The following POT1 variants were observed in gnomAD, a reference collection of about 807,000 sequenced individuals.
POT1 encodes protection of telomeres 1.
A neutral mutation model predicts 78.5 loss-of-function variants in POT1; 47 were observed. The observed-to-expected ratio is 0.60, with a 90% CI of 0.47 to 0.76. The LOEUF is 0.76. POT1 is among the 30% of genes least tolerant of loss of function. The pLI, the probability that POT1 is intolerant of heterozygous loss-of-function variation, is 0.00. For synonymous variants in POT1, 259 were observed against 260.7 expected, an observed-to-expected ratio of 0.99 and a Z score of 0.06; for missense variants, 646 against 749.9, an observed-to-expected ratio of 0.86 and a Z score of 1.62.
rs369100885 is a variant in POT1 at position 124,872,653 on chromosome 7, A to G, written c.125-1612T>C. Among the ~76,000 whole-genome samples the G allele has an allele frequency of 2.9e-4, 44 of 152,336 alleles. No individual in the cohort carries two copies. The South Asian group carries it at 9.1e-3, about 32-fold the overall frequency. ...GTATATTTAGGAGAAAACAGTATATACAGGGTTCAGTACCATCCACGGTTT... is the reference window on the plus strand; with the variant it reads ...GTATATTTAGGAGAAAACAGTATATGCAGGGTTCAGTACCATCCACGGTTT... On this transcript the variant is annotated intron_variant, in intron 6 of 18. Coordinates refer to ENST00000357628, the MANE Select transcript of POT1 (RefSeq NM_015450.3).
At chr7:124,918,603 C>T (rs974040571) in intron 2 of POT1, among the ~76,000 whole-genome samples, 4 of 152,002 alleles carry the variant, frequency 2.6e-5, no homozygotes, top group African/African-American at 9.7e-5. Flanking sequence ...TTGTCCCTGC[C>T]CTTGTTGAAG....
At chr7:124,866,870 C>T (rs574026570) in intron 7 of POT1, among the ~76,000 whole-genome samples, 1 of 152,320 alleles carries the variant, frequency 6.6e-6, no homozygotes, top group East Asian at 1.9e-4. Context: ...CAGAAGTTCG[C>T]TCTGCAGATT....
chr7:124,923,497 A>G (rs1005840052), intron 2 of POT1, among the ~76,000 whole-genome samples: 1 of 151,908 alleles, frequency 6.6e-6, no homozygotes, highest in African/African-American at 2.4e-5. Flanking sequence ...AAGCATAAAA[A>G]GGAATGAGCA....
chr7:124,900,232 T>A (rs1364046588), intron 3 of POT1, among the ~76,000 whole-genome samples: 1 of 152,174 alleles, frequency 6.6e-6, no homozygotes, highest in Admixed American at 6.5e-5. Flanking sequence ...TTGGATCCTC[T>A]CATAAGTATA....
chr7:124,870,809 A>G (rs1795848791), intron 7 of POT1, 102 bp downstream of exon 7: 6 of 957,620 alleles, frequency 6.3e-6, no homozygotes, highest in African/African-American at 1.7e-5. Context: ...GCTTGCTGTC[A>G]TGTTCTAACA....
intron 2 of POT1, among the ~76,000 whole-genome samples, chr7:124,916,282 A>G (rs1797013006): frequency 6.6e-6 from 1 of 152,216 alleles, no homozygotes; most frequent in South Asian, 2.1e-4. Flanking sequence ...CTTATAAAAT[A>G]GGACTCAATT....
At chr7:124,891,837 A>C (rs763174130) in intron 6 of POT1, among the ~76,000 whole-genome samples, 7 of 151,642 alleles carry the variant, frequency 4.6e-5, no homozygotes, top group Non-Finnish European at 1.0e-4. Context: ...CTGACGTCAT[A>C]ATTTGCATCT....
intron 16 of POT1, 141 bp downstream of exon 16, chr7:124,829,113 C>A: frequency 2.6e-6 from 2 of 774,724 alleles, no homozygotes; most frequent in East Asian, 2.5e-5. Flanking sequence ...TTTAAATTTA[C>A]AAAGTCTGTT....
chr7:124,851,601 A>G (rs922281340), intron 11 of POT1, among the ~76,000 whole-genome samples: 5 of 152,226 alleles, frequency 3.3e-5, no homozygotes, highest in African/African-American at 1.2e-4. Flanking sequence ...CTATGAAATC[A>G]ATACAGATTT....
intron 2 of POT1, among the ~76,000 whole-genome samples, chr7:124,916,491 T>G (rs1797017776): frequency 6.6e-6 from 1 of 152,076 alleles, no homozygotes; most frequent in African/African-American, 2.4e-5. Flanking sequence ...GGCAACCAAC[T>G]AAGCAGAAAT....
At chr7:124,867,438 A>G (rs1210552107) in intron 7 of POT1, among the ~76,000 whole-genome samples, 2 of 151,922 alleles carry the variant, frequency 1.3e-5, no homozygotes, top group Admixed American at 1.3e-4. Context: ...CACCTCCCCC[A>G]TGGCTGCCCA....
intron 3 of POT1, among the ~76,000 whole-genome samples, chr7:124,904,614 C>A (rs1156498436): frequency 2.6e-5 from 4 of 151,650 alleles, no homozygotes; most frequent in African/African-American, 9.7e-5. Context: ...CTCACCACTC[C>A]CAGTCAACAT....
intron 14 of POT1, chr7:124,837,169 A>G: frequency 3.6e-6 from 1 of 278,836 alleles, no homozygotes; most frequent in South Asian, 3.4e-5. Flanking sequence ...TCTTGGTCTC[A>G]GTTTCCTCTT....
At chr7:124,892,586 G>T in intron 5 of POT1, 1 of 346,736 alleles carries the variant, frequency 2.9e-6, no homozygotes. Flanking sequence ...GGTACAATTT[G>T]CACACTAGCT....
At chr7:124,880,396 C>T (rs1373673275) in intron 6 of POT1, among the ~76,000 whole-genome samples, 1 of 152,018 alleles carries the variant, frequency 6.6e-6, no homozygotes, top group African/African-American at 2.4e-5. Flanking sequence ...GTGAATTTAA[C>T]TAGGCATAAA....
At position 124,824,006 on chromosome 7, in the gene POT1, AAAT is replaced by A. The variant is rs1193436506; in HGVS notation, c.1858_1860del (p.Ile620del). 1.2e-6 allele frequency: 2 copies of A among 1,607,840 alleles called. No individual in the cohort carries two copies. Among genetic ancestry groups the A allele is most frequent in the Non-Finnish European group, 1.7e-6 (2 of 1,175,220 alleles). On this transcript the variant is annotated inframe_deletion, in exon 19 of 19. Transcript: ENST00000357628. The stretch of plus-strand genomic sequence containing the variant: ...ACTGTGGTGTCAAAAATCTGATAGC[AAAT>A]TTGATTATCTGTTCCATTTGTGACA...
rs764366150 is a variant in POT1 at position 124,859,097 on chromosome 7, T to C, written c.562A>G (p.Arg188Gly). ...SFLLKVWDGT[R>G]TPFPSWRVLI... ...ACTCTCCAAGATGGAAATGGTGTCC[T>C]GGTGCCATCCCATACCTGCCATAAG... The change falls in exon 9 of 19, where the codon AGG becomes GGG. Residue 188 changes from arginine to glycine, a missense_variant. Physicochemically the swap from Arg to Gly is moderately radical, Grantham distance 125 (BLOSUM62 -2). Transcript: ENST00000357628. 6.3e-7 allele frequency: 1 copy of C among 1,597,528 alleles called. No individual in the cohort carries two copies. The highest frequency in any genetic ancestry group is 8.5e-7 in the Non-Finnish European group (1 of 1,170,702).
chr7:124,848,659 T>C (rs1416555209), intron 11 of POT1: 1 of 132,044 alleles, frequency 7.6e-6, no homozygotes, highest in South Asian at 1.8e-4. Flanking sequence ...CGAGACTCCA[T>C]CTCAAAAGAA....
chr7:124,865,768 GTAA>G (rs1795707865), intron 7 of POT1, among the ~76,000 whole-genome samples: 1 of 151,894 alleles, frequency 6.6e-6, no homozygotes, highest in East Asian at 1.9e-4. Context: ...ATGCAGTGGT[GTAA>G]TAATATTTCA....
Sources: allele counts gnomAD v4.1 joint callset (sites outside exome capture counted in the v4.1 genomes callset), GRCh38; gene constraint gnomAD v4.1.1; transcripts MANE v1.5; gene names NCBI Gene and HGNC (gene_info 2026-07-23, HGNC 2026-07-21).